CPA6: variants seen among roughly 807,000 people sequenced by gnomAD.
The protein encoded by CPA6 is carboxypeptidase A6, also known as carboxypeptidase B.
CPA6 carries 58 observed loss-of-function variants against 63.3 expected under a neutral mutation model. The observed-to-expected ratio is 0.92, with a 90% CI of 0.74 to 1.14. The LOEUF (loss-of-function observed/expected upper bound fraction) is 1.14, where lower values mean the gene tolerates loss of function less well. CPA6 is among the 50% of genes most tolerant of loss of function. The pLI is 0.00. For synonymous variants in CPA6, 185 were observed against 179.0 expected (o/e 1.03, Z -0.27); for missense variants, 565 against 526.6 (o/e 1.07, Z -0.71).
chr8:67,566,542 T>C (rs1813340428), intron 2 of CPA6, among the ~76,000 whole-genome samples: 1 of 152,212 alleles, frequency 6.6e-6, no homozygotes, highest in Non-Finnish European at 1.5e-5. Flanking sequence ...ACCTTTTGGA[T>C]TTTTAATATC....
In CPA6 at chr8:67,693,741, T is replaced by G. The variant is rs1288778649; in HGVS notation, c.116+52273A>C. On this transcript the variant is annotated intron_variant, in intron 1 of 10. Coordinates refer to ENST00000297770, the MANE Select transcript of CPA6 (RefSeq NM_020361.5). ...CTGCTGGCCCTTTCTTCTCATACTT[T>G]CCAGCCTCCAGAACTGTGAGAGTTA... Among the ~76,000 whole-genome samples the G allele has an allele frequency of 2.6e-5, 4 of 152,218 alleles. No individual in the cohort carries two copies. The East Asian group carries it at 7.7e-4, about 29-fold the overall frequency.
At chr8:67,443,649 A>G (rs960103272) in intron 8 of CPA6, among the ~76,000 whole-genome samples, 1 of 152,232 alleles carries the variant, frequency 6.6e-6, no homozygotes, top group African/African-American at 2.4e-5. Flanking sequence ...TTAGCAGTCA[A>G]TTCACATTTC....
At chr8:67,694,838 T>C (rs545475397) in intron 1 of CPA6, among the ~76,000 whole-genome samples, 1 of 152,186 alleles carries the variant, frequency 6.6e-6, no homozygotes, top group Non-Finnish European at 1.5e-5. Flanking sequence ...CTTTGAGCAG[T>C]GCATCTGGTT....
chr8:67,718,248 C>A (rs561557218), intron 1 of CPA6, among the ~76,000 whole-genome samples: 1 of 152,024 alleles, frequency 6.6e-6, no homozygotes, highest in Non-Finnish European at 1.5e-5. Flanking sequence ...AGGTAACTAT[C>A]CAGAAACTCA....
At chr8:67,514,638 C>T (rs557393663) in intron 3 of CPA6, among the ~76,000 whole-genome samples, 1 of 152,274 alleles carries the variant, frequency 6.6e-6, no homozygotes, top group South Asian at 2.1e-4. Context: ...ACTTTATTCT[C>T]TGTGACATAA....
chr8:67,445,856 C>A (rs1020803667), intron 8 of CPA6, among the ~76,000 whole-genome samples: 4 of 151,220 alleles, frequency 2.6e-5, no homozygotes, highest in Admixed American at 2.0e-4. Context: ...AGAGTGAATT[C>A]AAAAAATACA....
At chr8:67,514,112 C>A (rs1812096315) in intron 3 of CPA6, among the ~76,000 whole-genome samples, 1 of 152,026 alleles carries the variant, frequency 6.6e-6, no homozygotes, top group Admixed American at 6.6e-5. Flanking sequence ...CACGCACCAA[C>A]ATGCCTGGCT....
At chr8:67,721,417 C>T (rs1164034393) in intron 1 of CPA6, among the ~76,000 whole-genome samples, 1 of 152,222 alleles carries the variant, frequency 6.6e-6, no homozygotes, top group East Asian at 1.9e-4. Context: ...AAATAAGTCA[C>T]ATATCCACTA....
At chr8:67,559,190 T>TATA (rs1813140951) in intron 2 of CPA6, among the ~76,000 whole-genome samples, 1 of 152,212 alleles carries the variant, frequency 6.6e-6, no homozygotes, top group South Asian at 2.1e-4. Flanking sequence ...CTACCTTAAC[T>TATA]ATACCATCAA....
intron 3 of CPA6, among the ~76,000 whole-genome samples, chr8:67,512,434 C>T (rs953423352): frequency 4.6e-5 from 7 of 152,184 alleles, no homozygotes; most frequent in African/African-American, 1.7e-4. Context: ...CTGCCAGCAT[C>T]AAGAATGCCA....
intron 1 of CPA6, among the ~76,000 whole-genome samples, chr8:67,634,845 C>T (rs1201698285): frequency 1.3e-5 from 2 of 151,456 alleles, no homozygotes; most frequent in Non-Finnish European, 2.9e-5. Context: ...TTTATAGTCT[C>T]TCAATACTTA....
At chr8:67,610,753 T>C (rs1007850130) in intron 2 of CPA6, among the ~76,000 whole-genome samples, 1 of 152,112 alleles carries the variant, frequency 6.6e-6, no homozygotes, top group Admixed American at 6.5e-5. Flanking sequence ...GGCCACCAAA[T>C]AATCTCAACA....
chr8:67,442,623 G>A (rs758260646), intron 8 of CPA6, among the ~76,000 whole-genome samples: 6 of 152,158 alleles, frequency 3.9e-5, no homozygotes, highest in Admixed American at 1.3e-4. Context: ...TGGTGGATGC[G>A]CCTAGAGTGG....
At chr8:67,474,294 T>C (rs1164716782) in intron 8 of CPA6, among the ~76,000 whole-genome samples, 2 of 152,162 alleles carry the variant, frequency 1.3e-5, no homozygotes, top group African/African-American at 4.8e-5. Context: ...CGATCTTGGC[T>C]CACTGCCACC....
chr8:67,693,144 T>G (rs1816847350), intron 1 of CPA6, among the ~76,000 whole-genome samples: 1 of 152,222 alleles, frequency 6.6e-6, no homozygotes, highest in Non-Finnish European at 1.5e-5. Flanking sequence ...CGAAATGAAA[T>G]TCCTTCTGTT....
At chr8:67,644,433 G>A (rs1234320876) in intron 1 of CPA6, among the ~76,000 whole-genome samples, 1 of 152,114 alleles carries the variant, frequency 6.6e-6, no homozygotes, top group Non-Finnish European at 1.5e-5. Flanking sequence ...GGCTGTCTTG[G>A]CTTGCAGGGA....
In CPA6 at chr8:67,610,021, CAACAAAACAAAACAA is replaced by C. The variant is rs112893898; in HGVS notation, c.192+14140_192+14154del. On this transcript the variant is annotated intron_variant, in intron 2 of 10. Coordinates refer to ENST00000297770, the MANE Select transcript of CPA6 (RefSeq NM_020361.5). ...TGGGTGACAGAGCGAGACTCCGTCT[CAACAAAACAAAACAA>C]AACAAAACAAAACAAAACAAAACAA... is the stretch of plus-strand genomic sequence containing the variant. 8.5e-4 allele frequency among the ~76,000 whole-genome samples: 127 copies of C among 149,176 alleles called. 1 individual carries two copies. The highest frequency in any genetic ancestry group is 4.1e-3 in the Admixed American group (62 of 14,950).
At chr8:67,741,480 A>AG (rs1350950363) in intron 1 of CPA6, among the ~76,000 whole-genome samples, 1 of 152,210 alleles carries the variant, frequency 6.6e-6, no homozygotes, top group Admixed American at 6.5e-5. Context: ...ATGGCCTGTT[A>AG]GAAACCGGGC....
At chr8:67,445,314 G>T (rs1463733887) in intron 8 of CPA6, among the ~76,000 whole-genome samples, 1 of 152,090 alleles carries the variant, frequency 6.6e-6, no homozygotes, top group Non-Finnish European at 1.5e-5. Flanking sequence ...ATACGAGAAA[G>T]TTCTAGAAAA....
Sources: allele counts gnomAD v4.1 joint callset (sites outside exome capture counted in the v4.1 genomes callset), GRCh38; gene constraint gnomAD v4.1.1; transcripts MANE v1.5; gene names NCBI Gene and HGNC (gene_info 2026-07-23, HGNC 2026-07-21).